RFX4: variants seen among roughly 807,000 people sequenced by gnomAD.
RFX4 encodes the protein transcription factor RFX4.
Under a neutral mutation model 95.0 loss-of-function variants are expected in RFX4, and 10 were observed. The ratio of observed to expected loss-of-function variants is 0.11; its 90% CI spans 0.06 to 0.18. The LOEUF is 0.18. RFX4 is among the 10% of genes least tolerant of loss of function. The pLI is 1.00. For synonymous variants in RFX4, 321 were observed against 340.7 expected, an observed-to-expected ratio of 0.94 and a Z score of 0.64; for missense variants, 640 against 922.0, an observed-to-expected ratio of 0.69 and a Z score of 3.96.
intron 13 of RFX4, among the ~76,000 whole-genome samples, chr12:106,722,683 C>T (rs1433540080): frequency 1.3e-5 from 2 of 152,166 alleles, no homozygotes; most frequent in African/African-American, 4.8e-5. Context: ...TATTTCTCAA[C>T]CCTGAGTGGG....
At chr12:106,736,247 C>T (rs890396444) in intron 15 of RFX4, among the ~76,000 whole-genome samples, 5 of 152,172 alleles carry the variant, frequency 3.3e-5, no homozygotes, top group Non-Finnish European at 5.9e-5. Flanking sequence ...GAAACACGTG[C>T]TCCTTCAATA....
intron 2 of RFX4, among the ~76,000 whole-genome samples, chr12:106,614,540 G>A (rs529672349): frequency 1.6e-3 from 220 of 133,410 alleles, no homozygotes; most frequent in Non-Finnish European, 2.8e-3. Context: ...AAGGAGTATC[G>A]CTCTATTGCC....
intron 2 of RFX4, among the ~76,000 whole-genome samples, chr12:106,613,749 G>A (rs2040011835): frequency 6.6e-6 from 1 of 152,122 alleles, no homozygotes; most frequent in South Asian, 2.1e-4. Flanking sequence ...GATAATGCTG[G>A]CCTCATAGAA....
chr12:106,691,928 G>T (rs1678557162), intron 7 of RFX4, among the ~76,000 whole-genome samples: 1 of 152,208 alleles, frequency 6.6e-6, no homozygotes, highest in African/African-American at 2.4e-5. Flanking sequence ...GGAGGCCGAG[G>T]TGGGCAGATC....
intron 2 of RFX4, among the ~76,000 whole-genome samples, chr12:106,613,580 T>C (rs2040007481): frequency 6.6e-6 from 1 of 152,108 alleles, no homozygotes; most frequent in South Asian, 2.1e-4. Context: ...GCCAGGCTGG[T>C]CTCCAACTCC....
chr12:106,679,830 A>C (rs2041470003), intron 4 of RFX4, among the ~76,000 whole-genome samples: 1 of 152,230 alleles, frequency 6.6e-6, no homozygotes, highest in South Asian at 2.1e-4. Context: ...GCCACAGGTT[A>C]ATATAAATCC....
At chr12:106,590,218 C>T (rs764058399) in intron 1 of RFX4, among the ~76,000 whole-genome samples, 19 of 152,202 alleles carry the variant, frequency 1.2e-4, no homozygotes, top group Non-Finnish European at 2.8e-4. Context: ...TGCTGAGCCT[C>T]AATTTTCTTA....
chr12:106,740,308 T>A (rs1023375936), intron 15 of RFX4, among the ~76,000 whole-genome samples: 1 of 152,198 alleles, frequency 6.6e-6, no homozygotes, highest in Non-Finnish European at 1.5e-5. Context: ...CTAGTTATTC[T>A]GAGGGCAGCT....
At chr12:106,626,395 G>A (rs1401498058) in intron 2 of RFX4, among the ~76,000 whole-genome samples, 2 of 152,154 alleles carry the variant, frequency 1.3e-5, no homozygotes, top group Non-Finnish European at 2.9e-5. Context: ...AGAAAGCTAC[G>A]AGACTGGTCT....
chr12:106,595,466 C>A (rs1015199238), intron 1 of RFX4, among the ~76,000 whole-genome samples: 1 of 152,224 alleles, frequency 6.6e-6, no homozygotes, highest in African/African-American at 2.4e-5. Context: ...TGAGATGTGA[C>A]TCTAGCAGCA....
chr12:106,739,125 CAGAA>C (rs55743965), intron 15 of RFX4, among the ~76,000 whole-genome samples: 107 of 149,150 alleles, frequency 7.2e-4, no homozygotes, highest in East Asian at 1.6e-3. Flanking sequence ...GGACCAAAAC[CAGAA>C]AGAAAGAAAG....
intron 17 of RFX4, among the ~76,000 whole-genome samples, chr12:106,757,376 C>T (rs1235469972): frequency 6.6e-6 from 1 of 151,974 alleles, no homozygotes; most frequent in Non-Finnish European, 1.5e-5. Flanking sequence ...AGTGAGACCT[C>T]ACCTCTACAA....
At chr12:106,696,132 C>T in intron 7 of RFX4, 151 bp from the exon 8 acceptor site, 1 of 853,230 alleles carries the variant, frequency 1.2e-6, no homozygotes, top group South Asian at 1.7e-5. Context: ...CCCAGGGCCT[C>T]CTACAACATG....
intron 7 of RFX4, among the ~76,000 whole-genome samples, chr12:106,695,837 G>A (rs989400854): frequency 2.0e-5 from 3 of 152,126 alleles, no homozygotes; most frequent in African/African-American, 7.2e-5. Context: ...CCTTTTACCC[G>A]CGACTCCCAT....
At chr12:106,723,498 A>G (rs753047944) in intron 13 of RFX4, among the ~76,000 whole-genome samples, 7 of 152,218 alleles carry the variant, frequency 4.6e-5, no homozygotes, top group Non-Finnish European at 7.3e-5. Flanking sequence ...GAAGTACTCC[A>G]GCATATATCA....
intron 15 of RFX4, among the ~76,000 whole-genome samples, chr12:106,736,590 C>T (rs977943489): frequency 4.6e-5 from 7 of 152,126 alleles, no homozygotes; most frequent in South Asian, 2.1e-4. Flanking sequence ...ATTCCATCAG[C>T]GAGGACTTAA....
rs1312225538 is a variant in RFX4 at position 106,685,256 on chromosome 12, T to C, written c.378-1628T>C. 2.0e-5 allele frequency among the ~76,000 whole-genome samples: 3 copies of C among 151,688 alleles called. No homozygotes were observed. The South Asian group carries it at 6.3e-4, about 32-fold the overall frequency. ...CCTAGCTACTAGACTACCAGGGATATTTTAATATGTTTTGTAAGTGATTCT... is the reference window on the plus strand; with the variant it reads ...CCTAGCTACTAGACTACCAGGGATACTTTAATATGTTTTGTAAGTGATTCT... On this transcript the variant is annotated intron_variant, in intron 5 of 17. Coordinates refer to ENST00000392842, the MANE Select transcript of RFX4 (RefSeq NM_213594.3).
chr12:106,761,122 TAAAC>T, intron 17 of RFX4, 71 bp from the exon 18 acceptor site: 1 of 1,466,832 alleles, frequency 6.8e-7, no homozygotes. Flanking sequence ...ACTTAAACTA[TAAAC>T]ATGACTGATA....
At position 106,745,993 on chromosome 12, in the gene RFX4, G is replaced by A. The variant is rs118024074; in HGVS notation, c.1634-1444G>A. 3.0e-3 allele frequency among the ~76,000 whole-genome samples: 452 copies of A among 151,984 alleles called. 2 individuals carry two copies. The highest frequency in any genetic ancestry group is 4.5e-3 in the Non-Finnish European group (306 of 67,974). ...TCTAATCCTAGCACTTTGGAAGGCC[G>A]AGGTAGGAGGATCACTTGAGACCTG... On this transcript the variant is annotated intron_variant, in intron 15 of 17. Coordinates refer to ENST00000392842, the MANE Select transcript of RFX4 (RefSeq NM_213594.3).
Sources: gnomAD v4.1 joint callset for allele counts (sites outside exome capture counted in the v4.1 genomes callset) on GRCh38, gnomAD v4.1.1 for gene constraint, MANE v1.5 for transcripts, NCBI Gene and HGNC (gene_info 2026-07-23, HGNC 2026-07-21) for gene names.